Variants in RIMS1 observed in about 807,000 individuals in gnomAD.
RIMS1 encodes the protein regulating synaptic membrane exocytosis protein 1.
Under a neutral mutation model 214.1 loss-of-function variants are expected in RIMS1, and 83 were observed. The observed-to-expected ratio is 0.39, with a 90% confidence interval of 0.32 to 0.47. The LOEUF (loss-of-function observed/expected upper bound fraction) is 0.47, where lower values mean the gene tolerates loss of function less well. RIMS1 is among the 20% of genes least tolerant of loss of function. The pLI is 0.99. For synonymous variants in RIMS1, 793 were observed against 786.8 expected (o/e 1.01, Z -0.13); for missense variants, 2,050 against 2,161.8 (o/e 0.95, Z 1.03).
intron 29 of RIMS1, 122 bp downstream of exon 29, chr6:72,333,957 A>G (rs1274251245): frequency 4.2e-6 from 3 of 714,056 alleles, no homozygotes; most frequent in Admixed American, 2.9e-5. Context: ...AAGAAAATTT[A>G]TTTTTCTGTC....
At chr6:71,972,992 T>A (rs1447982924) in intron 2 of RIMS1, among the ~76,000 whole-genome samples, 1 of 152,214 alleles carries the variant, frequency 6.6e-6, no homozygotes, top group Non-Finnish European at 1.5e-5. Context: ...CTCAGCTCAC[T>A]GCAACCTCTG....
intron 29 of RIMS1, among the ~76,000 whole-genome samples, chr6:72,384,175 C>T (rs1053981844): frequency 1.3e-5 from 2 of 152,150 alleles, no homozygotes; most frequent in Non-Finnish European, 2.9e-5. Context: ...TTTCCCTGTT[C>T]ATCTAATTAT....
chr6:71,964,121 A>G (rs1350716334), intron 1 of RIMS1, among the ~76,000 whole-genome samples: 1 of 152,218 alleles, frequency 6.6e-6, no homozygotes, highest in Non-Finnish European at 1.5e-5. Context: ...TAGGATAATT[A>G]GGGTAGGAAC....
At chr6:71,908,102 G>A (rs914279856) in intron 1 of RIMS1, among the ~76,000 whole-genome samples, 6 of 152,146 alleles carry the variant, frequency 3.9e-5, no homozygotes, top group African/African-American at 1.4e-4. Flanking sequence ...GGCTGGTCCT[G>A]GGCCCCTGCC....
At chr6:72,393,405 A>G (rs1037944363) in intron 31 of RIMS1, among the ~76,000 whole-genome samples, 3 of 152,178 alleles carry the variant, frequency 2.0e-5, no homozygotes, top group African/African-American at 7.2e-5. Flanking sequence ...CTAAGAGGAA[A>G]AATAATTTTA....
chr6:72,230,585 AC>A (rs1358295374), intron 6 of RIMS1, among the ~76,000 whole-genome samples: 2 of 151,566 alleles, frequency 1.3e-5, no homozygotes, highest in African/African-American at 4.8e-5. Context: ...TTGCGCTTTA[AC>A]ACTAGACATC....
At chr6:72,048,792 C>T (rs558168619) in intron 2 of RIMS1, among the ~76,000 whole-genome samples, 34 of 152,284 alleles carry the variant, frequency 2.2e-4, no homozygotes, top group Middle Eastern at 3.4e-3. Flanking sequence ...AGATTAAACT[C>T]GAATTCCCAC....
chr6:71,993,615 G>A (rs1434890788), intron 2 of RIMS1, among the ~76,000 whole-genome samples: 1 of 152,172 alleles, frequency 6.6e-6, no homozygotes, highest in East Asian at 1.9e-4. Flanking sequence ...AGAAACCTGA[G>A]GACAAAGCAA....
Position 71,886,981 on chromosome 6 carries a change from T to C in RIMS1, c.-43T>C. On this transcript the variant is annotated 5_prime_UTR_variant, in exon 1 of 34. Transcript: ENST00000521978. The stretch of plus-strand genomic sequence containing the variant: ...AGCTGCTGGGCGTGCATCCGAAAGG[T>C]GAGAGCCAGAGAGCGAGCAGAGGGG... 1 of 1,597,234 alleles carries C rather than the reference T, an allele frequency of 6.3e-7. No individual in the cohort carries two copies. The highest frequency in any genetic ancestry group is 8.5e-7 in the Non-Finnish European group (1 of 1,171,414).
intron 2 of RIMS1, among the ~76,000 whole-genome samples, chr6:72,021,235 G>A (rs1368920076): frequency 1.3e-5 from 2 of 152,248 alleles, no homozygotes; most frequent in South Asian, 2.1e-4. Context: ...CTTAATAAAT[G>A]TGTTTCCTTC....
intron 1 of RIMS1, among the ~76,000 whole-genome samples, chr6:71,951,380 C>T (rs1399189130): frequency 6.6e-6 from 1 of 152,098 alleles, no homozygotes; most frequent in Non-Finnish European, 1.5e-5. Flanking sequence ...ACGACATTCA[C>T]TCAACTACAT....
chr6:71,976,793 G>A (rs1797255334), intron 2 of RIMS1, among the ~76,000 whole-genome samples: 1 of 152,020 alleles, frequency 6.6e-6, no homozygotes, highest in Non-Finnish European at 1.5e-5. Context: ...TTTTATACAT[G>A]TGTTTGTGTG....
chr6:71,967,609 G>A (rs1794806714), intron 1 of RIMS1, among the ~76,000 whole-genome samples: 1 of 152,070 alleles, frequency 6.6e-6, no homozygotes, highest in Non-Finnish European at 1.5e-5. Context: ...CACCACACCG[G>A]GGAAAGAACA....
chr6:71,932,612 C>A (rs757771900), intron 1 of RIMS1, among the ~76,000 whole-genome samples: 1 of 152,144 alleles, frequency 6.6e-6, no homozygotes, highest in Middle Eastern at 3.4e-3. Context: ...TACACTTGTA[C>A]CCCTGAACTT....
chr6:71,911,185 T>C (rs1776787289), intron 1 of RIMS1, among the ~76,000 whole-genome samples: 1 of 152,172 alleles, frequency 6.6e-6, no homozygotes, highest in South Asian at 2.1e-4. Flanking sequence ...GATTCCATTG[T>C]TGGCTTATGT....
intron 4 of RIMS1, among the ~76,000 whole-genome samples, chr6:72,102,310 A>G (rs79750382): frequency 0.024 from 3,595 of 152,064 alleles, 119 homozygotes; most frequent in African/African-American, 0.081. Context: ...TATTTTCACA[A>G]AGAAAGTGTC....
chr6:71,886,673 G>C lies in RIMS1; in HGVS notation c.-351G>C. On this transcript the variant is annotated 5_prime_UTR_variant, in exon 1 of 34. Transcript: ENST00000521978. ...CCCCGCCGGAGACGCCCGGATCGGC[G>C]GAGCCTGGCGCGAGCCCTCGCCCCC... 6.6e-6 allele frequency: 1 copy of C among 151,116 alleles called. No individual in the cohort carries two copies. The highest frequency in any genetic ancestry group is 1.8e-4 in the South Asian group (1 of 5,644). 9.4% of individuals were successfully genotyped at this position (151,116 alleles called of 1,614,324 possible).
intron 9 of RIMS1, 111 bp from the exon 10 acceptor site, chr6:72,242,203 A>G: frequency 3.6e-6 from 3 of 830,982 alleles, no homozygotes; most frequent in South Asian, 1.8e-5. Context: ...CAGAGCCTAG[A>G]CAATTAAACT....
At position 72,077,148 on chromosome 6, in the gene RIMS1, C is replaced by A. The variant is rs560472466; in HGVS notation, c.246-19801C>A. 2.6e-5 allele frequency among the ~76,000 whole-genome samples: 4 copies of A among 152,226 alleles called. No homozygotes were observed. In the East Asian group the frequency reaches 7.7e-4, roughly 29 times the overall value. ...CATGAGTGGAAGGCGTGTTTCTCCTCGTCCTTCAGGATCCCACTCCTCACT... is the reference window on the plus strand; with the variant it reads ...CATGAGTGGAAGGCGTGTTTCTCCTAGTCCTTCAGGATCCCACTCCTCACT... On this transcript the variant is annotated intron_variant, in intron 2 of 33. Coordinates refer to ENST00000521978, the MANE Select transcript of RIMS1 (RefSeq NM_014989.7).
Sources: allele counts gnomAD v4.1 joint callset (sites outside exome capture counted in the v4.1 genomes callset), GRCh38; gene constraint gnomAD v4.1.1; transcripts MANE v1.5; gene names NCBI Gene and HGNC (gene_info 2026-07-23, HGNC 2026-07-21).